Variants in NUBPL observed in about 807,000 individuals in gnomAD.
NUBPL encodes NUBP iron-sulfur cluster assembly factor, mitochondrial, also known as iron-sulfur cluster transfer protein NUBPL.
A neutral mutation model predicts 45.7 loss-of-function variants in NUBPL; 31 were observed. That is an observed-to-expected ratio of 0.68 (90% CI 0.51 to 0.92). NUBPL has a LOEUF of 0.92. NUBPL is among the 40% of genes least tolerant of loss of function. The probability of loss-of-function intolerance (pLI) is 0.00; values close to 1 mark genes in which losing one functional copy is unlikely to be tolerated. For missense variants in NUBPL, 401 were observed against 398.7 expected (o/e 1.01, Z -0.05); for synonymous variants, 144 against 140.9 (o/e 1.02, Z -0.15).
chr14:31,667,106 A>G (rs1309565920), intron 4 of NUBPL, among the ~76,000 whole-genome samples: 1 of 152,012 alleles, frequency 6.6e-6, no homozygotes, highest in Non-Finnish European at 1.5e-5. Context: ...GTCTTGCTAG[A>G]TTGGGGAAGT....
intron 6 of NUBPL, among the ~76,000 whole-genome samples, chr14:31,777,556 C>T (rs1378243014): frequency 6.6e-6 from 1 of 152,150 alleles, no homozygotes; most frequent in African/African-American, 2.4e-5. Flanking sequence ...CAGCCAAATG[C>T]TTAGCCCAAA....
intron 6 of NUBPL, among the ~76,000 whole-genome samples, chr14:31,680,267 T>C (rs2036799651): frequency 6.6e-6 from 1 of 152,126 alleles, no homozygotes. Context: ...CAGTATAATG[T>C]TGAACACAGA....
At chr14:31,717,493 T>G (rs1227919822) in intron 6 of NUBPL, among the ~76,000 whole-genome samples, 1 of 152,236 alleles carries the variant, frequency 6.6e-6, no homozygotes, top group Non-Finnish European at 1.5e-5. Flanking sequence ...TTCCAGACAG[T>G]GCTCTGTGGT....
intron 7 of NUBPL, among the ~76,000 whole-genome samples, chr14:31,788,839 C>T (rs1490407729): frequency 6.6e-6 from 1 of 152,164 alleles, no homozygotes; most frequent in Non-Finnish European, 1.5e-5. Context: ...GGGGCTCTCT[C>T]TCCTGCTCAT....
intron 9 of NUBPL, among the ~76,000 whole-genome samples, chr14:31,846,967 A>C (rs1299154420): frequency 2.6e-5 from 4 of 152,054 alleles, no homozygotes; most frequent in Admixed American, 6.5e-5. Context: ...AAAAAAACAA[A>C]AAACAAAAAA....
intron 6 of NUBPL, among the ~76,000 whole-genome samples, chr14:31,741,603 T>A (rs1170089810): frequency 6.6e-6 from 1 of 152,092 alleles, no homozygotes; most frequent in Non-Finnish European, 1.5e-5. Context: ...CCTGGCTGAG[T>A]TCATGCAGGT....
chr14:31,624,915 A>G (rs935357925), intron 4 of NUBPL, among the ~76,000 whole-genome samples: 2 of 152,192 alleles, frequency 1.3e-5, no homozygotes, highest in African/African-American at 4.8e-5. Flanking sequence ...CTGACATCTT[A>G]TAGGTGGAGG....
At chr14:31,671,419 C>A (rs2036567677) in intron 4 of NUBPL, among the ~76,000 whole-genome samples, 1 of 152,146 alleles carries the variant, frequency 6.6e-6, no homozygotes, top group African/African-American at 2.4e-5. Flanking sequence ...TATAAAACAA[C>A]TGCATTATAA....
intron 3 of NUBPL, among the ~76,000 whole-genome samples, chr14:31,589,424 A>G (rs1566431164): frequency 6.6e-6 from 1 of 152,122 alleles, no homozygotes; most frequent in Non-Finnish European, 1.5e-5. Flanking sequence ...CTAATGGAAA[A>G]CCTGTAATAT....
At chr14:31,811,867 C>T (rs992179208) in intron 7 of NUBPL, among the ~76,000 whole-genome samples, 4 of 152,120 alleles carry the variant, frequency 2.6e-5, no homozygotes, top group African/African-American at 9.7e-5. Flanking sequence ...TTTCTTCTAC[C>T]AGTCAGGTCC....
At chr14:31,700,434 T>C (rs1396716508) in intron 6 of NUBPL, among the ~76,000 whole-genome samples, 2 of 152,160 alleles carry the variant, frequency 1.3e-5, no homozygotes, top group African/African-American at 4.8e-5. Context: ...CCTCAGCGCC[T>C]ACTCTGGCCA....
chr14:31,819,929 A>G (rs560815315), intron 7 of NUBPL, among the ~76,000 whole-genome samples: 16 of 152,194 alleles, frequency 1.1e-4, no homozygotes, highest in African/African-American at 3.4e-4. Context: ...TCACGAGGTC[A>G]GGAGATCGAG....
At chr14:31,826,134 G>T (rs913734436) in intron 7 of NUBPL, among the ~76,000 whole-genome samples, 14 of 151,836 alleles carry the variant, frequency 9.2e-5, no homozygotes, top group African/African-American at 2.9e-4. Flanking sequence ...TTTATTTTTT[G>T]TTTTGAGATG....
At chr14:31,687,001 T>G (rs943498206) in intron 6 of NUBPL, among the ~76,000 whole-genome samples, 1 of 152,322 alleles carries the variant, frequency 6.6e-6, no homozygotes, top group African/African-American at 2.4e-5. Flanking sequence ...GTAGTCTTGC[T>G]ATTTGGGAGG....
chr14:31,648,862 G>A (rs1393507178), intron 4 of NUBPL, among the ~76,000 whole-genome samples: 4 of 152,194 alleles, frequency 2.6e-5, no homozygotes, highest in Non-Finnish European at 2.9e-5. Context: ...AGGCTGGAGC[G>A]CAGTGGTGCT....
At chr14:31,689,030 G>C (rs1331756883) in intron 6 of NUBPL, among the ~76,000 whole-genome samples, 3 of 151,462 alleles carry the variant, frequency 2.0e-5, no homozygotes, top group Non-Finnish European at 4.4e-5. Context: ...TGTATTCCAT[G>C]GTGTATATGT....
intron 8 of NUBPL, 109 bp downstream of exon 8, chr14:31,826,823 T>C (rs896683230): frequency 6.5e-5 from 62 of 959,004 alleles, no homozygotes; most frequent in Non-Finnish European, 9.1e-5. Flanking sequence ...CAGAAGTCTT[T>C]ATGAAAGTCC....
At chr14:31,750,885 G>A (rs553935659) in intron 6 of NUBPL, among the ~76,000 whole-genome samples, 8 of 152,176 alleles carry the variant, frequency 5.3e-5, no homozygotes, top group African/African-American at 1.4e-4. Flanking sequence ...AGGTTTAATC[G>A]ATTTACAGTT....
At chr14:31,709,556 G>GC (rs75060279) in intron 6 of NUBPL, among the ~76,000 whole-genome samples, 65,958 of 152,068 alleles carry the variant, frequency 0.43, 17,195 homozygotes, top group East Asian at 0.6. Flanking sequence ...AGCTAAAGCT[G>GC]CATTCTTTTC....
Sources: gnomAD v4.1 joint callset for allele counts (sites outside exome capture counted in the v4.1 genomes callset) on GRCh38, gnomAD v4.1.1 for gene constraint, MANE v1.5 for transcripts, NCBI Gene and HGNC (gene_info 2026-07-23, HGNC 2026-07-21) for gene names.